Variants in SLC9A7 observed in about 807,000 individuals in gnomAD.
SLC9A7 encodes solute carrier family 9 member A7, also known as sodium/hydrogen exchanger 7.
SLC9A7 carries 19 observed loss-of-function variants against 52.6 expected under a neutral mutation model. That is an observed-to-expected ratio of 0.36 (90% CI 0.25 to 0.53). SLC9A7 has a LOEUF of 0.53. SLC9A7 is among the 20% of genes least tolerant of loss of function. SLC9A7 has a pLI of 0.91. For synonymous variants in SLC9A7, 226 were observed against 252.1 expected, an observed-to-expected ratio of 0.90 and a Z score of 0.98; for missense variants, 455 against 597.9, an observed-to-expected ratio of 0.76 and a Z score of 2.49.
chrX:46,634,872 G>A (rs1943294331), intron 13 of SLC9A7, among the ~76,000 whole-genome samples: 1 of 111,213 alleles, frequency 9.0e-6, no homozygotes, highest in Non-Finnish European at 1.9e-5. Flanking sequence ...TTTTGCATTT[G>A]ATTTATCTAT....
At chrX:46,709,821 C>G (rs1944661427) in intron 1 of SLC9A7, among the ~76,000 whole-genome samples, 1 of 112,053 alleles carries the variant, frequency 8.9e-6, no homozygotes, top group Admixed American at 9.5e-5. Context: ...CTCCGGGGAA[C>G]CATTAGGCAA....
intron 15 of SLC9A7, among the ~76,000 whole-genome samples, chrX:46,620,264 T>C (rs1210662934): frequency 1.8e-5 from 2 of 109,060 alleles, no homozygotes; most frequent in African/African-American, 6.7e-5. Flanking sequence ...CTACCAAAAA[T>C]ACAAAAAATT....
chrX:46,662,004 C>T lies in SLC9A7; in HGVS notation c.1041+12G>A. On this transcript the variant is annotated intron_variant, in intron 7 of 16. Transcript: ENST00000616978. ...CATACCCAGGCCCGAGCTGAAACTA[C>T]AAAAAGGATATTAGAGCAGTCACAA... The T allele has an allele frequency of 8.5e-7, 1 of 1,180,642 alleles. No individual in the cohort carries two copies. The highest frequency in any genetic ancestry group is 1.1e-6 in the Non-Finnish European group (1 of 879,522).
chrX:46,606,979 T>G lies in SLC9A7; in HGVS notation c.2154A>C (p.Leu718=), dbSNP rs771848854. 8.3e-7 allele frequency: 1 copy of G among 1,211,314 alleles called. No homozygotes were observed. Among genetic ancestry groups the G allele is most frequent in the South Asian group, 1.8e-5 (1 of 56,951 alleles). Residue 718 remains leucine, a synonymous_variant, in exon 17 of 17, where the codon CTA becomes CTC. Transcript: ENST00000616978. ...AAGCATTATCTTCCAGGGGAAACAC[T>G]AGGCGGGTGCCCCGGCTCGAAACCT... ...DQKVSSRGTR[L]VFPLEDNA
chrX:46,754,870 CTT>C (rs1350042754), intron 1 of SLC9A7, among the ~76,000 whole-genome samples: 2 of 112,635 alleles, frequency 1.8e-5, no homozygotes, highest in Admixed American at 1.9e-4. Context: ...GCCCTAAACA[CTT>C]TCTATTTCTG....
At chrX:46,635,701 G>A in intron 12 of SLC9A7, 53 bp from the exon 13 acceptor site, 1 of 933,776 alleles carries the variant, frequency 1.1e-6, no homozygotes, top group Non-Finnish European at 1.6e-6. Flanking sequence ...AGGAGAGCCA[G>A]GAGCTCTGGG....
At chrX:46,664,723 C>T (rs187438403) in intron 5 of SLC9A7, among the ~76,000 whole-genome samples, 108 of 110,567 alleles carry the variant, frequency 9.8e-4, no homozygotes, top group African/African-American at 3.3e-3. Flanking sequence ...TTGGTTTTGC[C>T]CATTTTTTAA....
At chrX:46,684,397 G>A (rs911858217) in intron 1 of SLC9A7, among the ~76,000 whole-genome samples, 2 of 111,262 alleles carry the variant, frequency 1.8e-5, no homozygotes, top group Admixed American at 1.9e-4. Flanking sequence ...TAGAGACGGG[G>A]TTTCACCATG....
At chrX:46,738,097 AAGAAAGAAAGAG>A (rs1569525290) in intron 1 of SLC9A7, among the ~76,000 whole-genome samples, 1 of 54,179 alleles carries the variant, frequency 1.8e-5, no homozygotes, top group African/African-American at 4.3e-5. Flanking sequence ...GAAAGAAAGA[AAGAAAGAAAGAG>A]AAAAGAAAAG....
At chrX:46,656,128 G>T (rs1405193694) in intron 7 of SLC9A7, among the ~76,000 whole-genome samples, 1 of 111,579 alleles carries the variant, frequency 9.0e-6, no homozygotes, top group Non-Finnish European at 1.9e-5. Flanking sequence ...ACCTCACACG[G>T]CCGGTTACTC....
intron 1 of SLC9A7, among the ~76,000 whole-genome samples, chrX:46,728,970 T>C (rs1381047254): frequency 8.9e-6 from 1 of 112,343 alleles, no homozygotes; most frequent in Non-Finnish European, 1.9e-5. Flanking sequence ...TGCCAAGAGC[T>C]AGGGTAGAAG....
chrX:46,641,887 G>A (rs950444288), intron 12 of SLC9A7, among the ~76,000 whole-genome samples: 3 of 112,004 alleles, frequency 2.7e-5, no homozygotes, highest in Non-Finnish European at 3.8e-5. Context: ...TCCCTTATAA[G>A]AATGTTATGA....
At chrX:46,677,882 T>C (rs975587853) in intron 3 of SLC9A7, among the ~76,000 whole-genome samples, 5 of 112,228 alleles carry the variant, frequency 4.5e-5, no homozygotes, top group African/African-American at 1.6e-4. Context: ...ATTTCTTTAA[T>C]ATAGGTCTGT....
chrX:46,731,849 C>A (rs1411149153), intron 1 of SLC9A7, among the ~76,000 whole-genome samples: 1 of 110,710 alleles, frequency 9.0e-6, no homozygotes, highest in Non-Finnish European at 1.9e-5. Context: ...GTAGGCAATT[C>A]ACAGAAAAAA....
intron 1 of SLC9A7, among the ~76,000 whole-genome samples, chrX:46,687,359 G>A (rs182125418): frequency 8.9e-6 from 1 of 111,962 alleles, no homozygotes; most frequent in Non-Finnish European, 1.9e-5. Flanking sequence ...CAGCACAGTA[G>A]GGGTTGTTAT....
intron 1 of SLC9A7, among the ~76,000 whole-genome samples, chrX:46,721,771 C>T (rs968057476): frequency 8.9e-6 from 1 of 111,915 alleles, no homozygotes. Flanking sequence ...AAGGCCTTGC[C>T]TTTCTCAACT....
At chrX:46,715,696 C>T (rs778569705) in intron 1 of SLC9A7, among the ~76,000 whole-genome samples, 3 of 111,912 alleles carry the variant, frequency 2.7e-5, no homozygotes, top group Admixed American at 1.9e-4. Flanking sequence ...AAGCGATACA[C>T]ATTCAGTAGA....
At chrX:46,729,548 T>G (rs902312391) in intron 1 of SLC9A7, among the ~76,000 whole-genome samples, 4 of 110,743 alleles carry the variant, frequency 3.6e-5, no homozygotes, top group African/African-American at 1.3e-4. Flanking sequence ...CCGAGATGGG[T>G]GGATCACCTG....
intron 15 of SLC9A7, among the ~76,000 whole-genome samples, chrX:46,615,786 A>G (rs1942938172): frequency 9.1e-6 from 1 of 110,065 alleles, no homozygotes; most frequent in Non-Finnish European, 1.9e-5. Flanking sequence ...TTACATTACA[A>G]CTTTAGATAA....
Sources: allele counts gnomAD v4.1 joint callset (sites outside exome capture counted in the v4.1 genomes callset), GRCh38; gene constraint gnomAD v4.1.1; transcripts MANE v1.5; gene names NCBI Gene and HGNC (gene_info 2026-07-23, HGNC 2026-07-21).